The following ERC2 variants were observed in gnomAD, a reference collection of about 807,000 sequenced individuals.
ERC2 encodes the protein ELKS/RAB6-interacting/CAST family member 2, also known as ERC protein 2.
In ERC2, 42 loss-of-function variants were observed where a neutral mutation model predicts 114.8. The ratio of observed to expected loss-of-function variants is 0.37; its 90% CI spans 0.29 to 0.47. The LOEUF (loss-of-function observed/expected upper bound fraction) is 0.47. Among genes scored for constraint, ERC2 ranks in the 20% least tolerant of loss-of-function variants. The probability of loss-of-function intolerance (pLI) is 0.99; values close to 1 mark genes in which losing one functional copy is unlikely to be tolerated. For missense variants in ERC2, 939 were observed against 1,150.7 expected (o/e 0.82, Z 2.66); for synonymous variants, 454 against 425.5 (o/e 1.07, Z -0.82).
At chr3:56,450,653 C>T (rs1246516144) in intron 1 of ERC2, among the ~76,000 whole-genome samples, 8 of 151,908 alleles carry the variant, frequency 5.3e-5, no homozygotes, top group Admixed American at 1.3e-4. Context: ...ATGACGACAC[C>T]CCATCTCTAC....
intron 2 of ERC2, among the ~76,000 whole-genome samples, chr3:56,360,407 G>A (rs777401086): frequency 1.9e-4 from 29 of 152,064 alleles, no homozygotes; most frequent in Admixed American, 3.3e-4. Context: ...TATAGAAACC[G>A]AGGTTGGCTC....
At chr3:56,194,224 C>A (rs1195088375) in intron 3 of ERC2, among the ~76,000 whole-genome samples, 4 of 152,104 alleles carry the variant, frequency 2.6e-5, no homozygotes, top group African/African-American at 9.6e-5. Context: ...TTGAATAGTG[C>A]CCCCTCCTCC....
chr3:55,528,451 G>T (rs2053468857), intron 17 of ERC2, among the ~76,000 whole-genome samples: 1 of 152,096 alleles, frequency 6.6e-6, no homozygotes, highest in African/African-American at 2.4e-5. Context: ...AATGTTATCG[G>T]CATCATCATG....
intron 6 of ERC2, among the ~76,000 whole-genome samples, chr3:56,100,108 G>C (rs1418593138): frequency 6.6e-6 from 1 of 152,174 alleles, no homozygotes; most frequent in African/African-American, 2.4e-5. Context: ...TGGTTAATCA[G>C]CATTTCCCAA....
intron 4 of ERC2, among the ~76,000 whole-genome samples, chr3:56,159,655 T>C (rs1230822534): frequency 6.6e-6 from 1 of 152,164 alleles, no homozygotes; most frequent in Non-Finnish European, 1.5e-5. Context: ...CTTTGTCCCC[T>C]TGCCTCCTTC....
intron 13 of ERC2, among the ~76,000 whole-genome samples, chr3:55,917,869 T>A (rs11719944): frequency 1.6e-3 from 243 of 152,120 alleles, no homozygotes; most frequent in African/African-American, 5.6e-3. Context: ...TGGAGCTAGA[T>A]GATTAATTCT....
chr3:56,153,119 T>C (rs1000532302), intron 4 of ERC2, among the ~76,000 whole-genome samples: 1 of 152,200 alleles, frequency 6.6e-6, no homozygotes, highest in African/African-American at 2.4e-5. Flanking sequence ...ATGTGTGCTA[T>C]AGATTAATAG....
chr3:55,914,137 T>A (rs1017461832), intron 13 of ERC2, among the ~76,000 whole-genome samples: 1 of 152,176 alleles, frequency 6.6e-6, no homozygotes, highest in Non-Finnish European at 1.5e-5. Context: ...TATTTTCAGT[T>A]ATTATTTTCA....
chr3:55,562,928 A>G (rs2056123249), intron 17 of ERC2, among the ~76,000 whole-genome samples: 1 of 152,252 alleles, frequency 6.6e-6, no homozygotes, highest in South Asian at 2.1e-4. Context: ...AGGAATGTGG[A>G]AATAAGCCAT....
chr3:56,027,431 C>T (rs1447216506), intron 7 of ERC2, among the ~76,000 whole-genome samples: 1 of 152,194 alleles, frequency 6.6e-6, no homozygotes, highest in African/African-American at 2.4e-5. Flanking sequence ...TTTTAATTCT[C>T]ATCAACAGTG....
intron 2 of ERC2, among the ~76,000 whole-genome samples, chr3:56,406,973 G>T (rs1003791357): frequency 3.9e-5 from 6 of 152,140 alleles, no homozygotes; most frequent in African/African-American, 1.4e-4. Flanking sequence ...CATCTTCCCA[G>T]TGGATTCTTG....
At chr3:55,648,591 CA>C in intron 17 of ERC2, among the ~76,000 whole-genome samples, 1 of 152,098 alleles carries the variant, frequency 6.6e-6, no homozygotes, top group Non-Finnish European at 1.5e-5. Flanking sequence ...TGTCCCTGAG[CA>C]GAGGAGTCAT....
intron 13 of ERC2, among the ~76,000 whole-genome samples, chr3:55,888,849 A>G (rs1333949348): frequency 6.6e-6 from 1 of 152,194 alleles, no homozygotes; most frequent in African/African-American, 2.4e-5. Context: ...AAATCTCACA[A>G]ATCACCACTA....
intron 3 of ERC2, among the ~76,000 whole-genome samples, chr3:56,201,177 A>C (rs2048382400): frequency 6.6e-6 from 1 of 152,124 alleles, no homozygotes. Flanking sequence ...AACATCTGAC[A>C]CAGCTCCCCT....
chr3:56,281,999 CCCT>C (rs375879243), intron 3 of ERC2, among the ~76,000 whole-genome samples: 1,611 of 152,242 alleles, frequency 0.011, 25 homozygotes, highest in African/African-American at 0.037. Flanking sequence ...CTTGCTTATC[CCCT>C]CCTCATTTTT....
At chr3:55,557,301 A>G (rs570175875) in intron 17 of ERC2, among the ~76,000 whole-genome samples, 16 of 152,212 alleles carry the variant, frequency 1.1e-4, no homozygotes, top group Non-Finnish European at 1.9e-4. Flanking sequence ...AATGGCAGAC[A>G]TCGTGTTGAC....
intron 14 of ERC2, among the ~76,000 whole-genome samples, chr3:55,777,923 G>A (rs1324233833): frequency 1.3e-5 from 2 of 152,034 alleles, no homozygotes; most frequent in African/African-American, 2.4e-5. Flanking sequence ...AATTAATTTT[G>A]TTAGGTTTTT....
intron 14 of ERC2, among the ~76,000 whole-genome samples, chr3:55,761,942 C>T (rs1236937189): frequency 7.6e-6 from 1 of 131,608 alleles, no homozygotes; most frequent in Non-Finnish European, 1.6e-5. Context: ...CCCTCCCTCC[C>T]TTCCTCTCTC....
chr3:55,664,729 G>GTTC (rs2061288451), intron 17 of ERC2, among the ~76,000 whole-genome samples: 8 of 152,276 alleles, frequency 5.3e-5, no homozygotes, highest in Middle Eastern at 3.4e-3. Context: ...AGCTTCAGGC[G>GTTC]AGGTTGTGGG....
Sources: allele counts gnomAD v4.1 joint callset (sites outside exome capture counted in the v4.1 genomes callset), GRCh38; gene constraint gnomAD v4.1.1; transcripts MANE v1.5; gene names NCBI Gene and HGNC (gene_info 2026-07-23, HGNC 2026-07-21).